The following SLC1A3 variants were observed in gnomAD, a reference collection of about 807,000 sequenced individuals.
The protein encoded by SLC1A3 is excitatory amino acid transporter 1.
SLC1A3 carries 21 observed loss-of-function variants against 48.1 expected under a neutral mutation model. The observed-to-expected ratio is 0.44, with a 90% CI of 0.31 to 0.63. The LOEUF (loss-of-function observed/expected upper bound fraction) is 0.63, where lower values mean the gene tolerates loss of function less well. SLC1A3 is among the 20% of genes least tolerant of loss of function. The probability of loss-of-function intolerance (pLI) is 0.08; values close to 1 mark genes in which losing one functional copy is unlikely to be tolerated. For synonymous variants in SLC1A3, 239 were observed against 251.4 expected, an observed-to-expected ratio of 0.95 and a Z score of 0.47; for missense variants, 546 against 689.0, an observed-to-expected ratio of 0.79 and a Z score of 2.32.
intron 2 of SLC1A3, among the ~76,000 whole-genome samples, chr5:36,612,067 G>A (rs910456240): frequency 4.2e-5 from 6 of 144,452 alleles, no homozygotes; most frequent in African/African-American, 5.1e-5. Flanking sequence ...CTTGGCGCAC[G>A]CGCACACACA....
At chr5:36,650,723 A>G (rs981046938) in intron 3 of SLC1A3, among the ~76,000 whole-genome samples, 1 of 152,210 alleles carries the variant, frequency 6.6e-6, no homozygotes, top group African/African-American at 2.4e-5. Flanking sequence ...TATAGCTGAA[A>G]TGGCCTTGAA....
At chr5:36,664,883 G>A (rs1741668958) in intron 3 of SLC1A3, among the ~76,000 whole-genome samples, 2 of 152,216 alleles carry the variant, frequency 1.3e-5, no homozygotes, top group South Asian at 4.1e-4. Context: ...GTGCCAGAGA[G>A]AAGGCAAAGG....
At chr5:36,605,014 G>A (rs1311051633), upstream of SLC1A3, among the ~76,000 whole-genome samples, 1 of 151,776 alleles carries the variant, frequency 6.6e-6, no homozygotes, top group Non-Finnish European at 1.5e-5. Flanking sequence ...ATGGCTCCAT[G>A]CACCTAAACC....
In SLC1A3 at chr5:36,645,317, G is replaced by T; in HGVS notation, c.319+15730G>T. 1.1e-4 allele frequency among the ~76,000 whole-genome samples: 9 copies of T among 85,506 alleles called. 1 individual carries two copies. The highest frequency in any genetic ancestry group is 1.4e-4 in the Admixed American group (1 of 6,900). 56.1% of individuals were successfully genotyped at this position (85,506 alleles called of 152,430 possible). On this transcript the variant is annotated intron_variant, in intron 3 of 9. Transcript: ENST00000265113. ...TTATCTTTGAGGACTGACTTCCGCTGCCTTTTTTTTTTTTTTTTTTTTTTT... is the reference window on the plus strand; with the variant it reads ...TTATCTTTGAGGACTGACTTCCGCTTCCTTTTTTTTTTTTTTTTTTTTTTT...
intron 3 of SLC1A3, among the ~76,000 whole-genome samples, chr5:36,631,967 A>G (rs1290352815): frequency 6.6e-6 from 1 of 152,234 alleles, no homozygotes; most frequent in Non-Finnish European, 1.5e-5. Context: ...CCATTGCTTT[A>G]GAGTGGAAAG....
At chr5:36,617,725 C>A (rs1739504559) in intron 2 of SLC1A3, among the ~76,000 whole-genome samples, 1 of 152,088 alleles carries the variant, frequency 6.6e-6, no homozygotes, top group South Asian at 2.1e-4. Context: ...TATTCCTTAG[C>A]ACGTAGAAAG....
At chr5:36,630,024 T>C (rs1740076485) in intron 3 of SLC1A3, 1 of 235,786 alleles carries the variant, frequency 4.2e-6, no homozygotes. Context: ...GCGGGAGCCT[T>C]CTTGGAAGCC....
intron 6 of SLC1A3, 37 bp downstream of exon 6, chr5:36,677,221 G>A: frequency 6.4e-7 from 1 of 1,561,748 alleles, no homozygotes; most frequent in Non-Finnish European, 8.8e-7. Context: ...TTATATACGA[G>A]ATGGTTATTG....
intron 3 of SLC1A3, among the ~76,000 whole-genome samples, chr5:36,631,272 C>T (rs961583274): frequency 3.3e-5 from 5 of 152,182 alleles, no homozygotes; most frequent in African/African-American, 7.2e-5. Context: ...AAGAGAAAAG[C>T]CCTTATATGA....
At chr5:36,666,473 G>T (rs1741753353) in intron 3 of SLC1A3, 1 of 152,222 alleles carries the variant, frequency 6.6e-6, no homozygotes, top group South Asian at 2.1e-4. Context: ...TTCTGGACCT[G>T]TTCCAGTGGC....
chr5:36,598,537 G>A (rs1738769735), intron 1 of SLC1A3, among the ~76,000 whole-genome samples: 2 of 152,282 alleles, frequency 1.3e-5, no homozygotes, highest in Admixed American at 6.5e-5. Context: ...TCTATAAAGA[G>A]CAATCACTTT....
chr5:36,665,157 G>C (rs916875293), intron 3 of SLC1A3, among the ~76,000 whole-genome samples: 5 of 151,542 alleles, frequency 3.3e-5, no homozygotes, highest in Admixed American at 6.6e-5. Flanking sequence ...GAATTAAAGA[G>C]TGTTTTAAAC....
chr5:36,645,868 G>C (rs994853840), intron 3 of SLC1A3, among the ~76,000 whole-genome samples: 2 of 152,162 alleles, frequency 1.3e-5, no homozygotes, highest in African/African-American at 4.8e-5. Context: ...TGAATTCCCA[G>C]CAGAGGCTAC....
rs186524094 is a variant in SLC1A3 at position 36,648,059 on chromosome 5, T to C, written c.319+18472T>C. Among the ~76,000 whole-genome samples, 312 of 152,326 alleles carry C rather than the reference T, an allele frequency of 2.0e-3. 4 individuals carry two copies. The highest frequency in any genetic ancestry group is 6.9e-3 in the African/African-American group (286 of 41,580). ...GATTTTTATTTAATTAACGCATTAA[T>C]TATCATGAAGCTTACTATTTGGTGT... is the stretch of plus-strand genomic sequence containing the variant. On this transcript the variant is annotated intron_variant, in intron 3 of 9. Coordinates refer to ENST00000265113, the MANE Select transcript of SLC1A3 (RefSeq NM_004172.5).
chr5:36,650,296 T>C (rs545027594), intron 3 of SLC1A3, among the ~76,000 whole-genome samples: 2 of 152,316 alleles, frequency 1.3e-5, no homozygotes, highest in African/African-American at 2.4e-5. Context: ...TAAAAGAGGA[T>C]TTTTCTCCCC....
chr5:36,612,637 C>G (rs1739256121), intron 2 of SLC1A3: 1 of 173,180 alleles, frequency 5.8e-6, no homozygotes, highest in Non-Finnish European at 1.2e-5. Context: ...ATGGTAATAG[C>G]TAACACTCAC....
rs1425481830 is a variant in SLC1A3, at chr5:36,687,865, T to C, written c.*1596T>C. ...GGAATATCCAGTCAAAGACGCTGAG[T>C]GGGAGCTGTCAGGCAGTAGCAGCTG... On this transcript the variant is annotated 3_prime_UTR_variant, in exon 10 of 10. Transcript: ENST00000265113. The C allele has an allele frequency of 2.0e-5, 3 of 152,546 alleles. No individual in the cohort carries two copies. Among genetic ancestry groups the C allele is most frequent in the Non-Finnish European group, 2.9e-5 (2 of 68,020 alleles). 9.4% of individuals were successfully genotyped at this position (152,546 alleles called of 1,614,324 possible). A position where few individuals can be genotyped will look rare whatever the true frequency, so the allele number is the denominator to read the frequency against.
At position 36,681,583 on chromosome 5, in the gene SLC1A3, T is replaced by C. The variant is rs906575211; in HGVS notation, c.1289+994T>C. ...GTGTTCAGTGAAAAGTTATTTTCCT[T>C]TCCATACCTTCCCCCCATCTCTTAG... On this transcript the variant is annotated intron_variant, in intron 8 of 9. Transcript: ENST00000265113. 6.6e-5 allele frequency among the ~76,000 whole-genome samples: 10 copies of C among 152,332 alleles called. No homozygotes were observed. In the South Asian group the frequency reaches 2.1e-3, roughly 32 times the overall value.
chr5:36,665,706 C>A lies in SLC1A3; in HGVS notation c.320-5323C>A, dbSNP rs557069490. ...TGAGGGAGCTTCTATTTTTCACATTCCACAGAGGAGGAAACTGAGGCTTGG... is the reference window on the plus strand; with the variant it reads ...TGAGGGAGCTTCTATTTTTCACATTACACAGAGGAGGAAACTGAGGCTTGG... On this transcript the variant is annotated intron_variant, in intron 3 of 9. Coordinates refer to ENST00000265113, the MANE Select transcript of SLC1A3 (RefSeq NM_004172.5). Among the ~76,000 whole-genome samples, 66 of 152,304 alleles carry A rather than the reference C, an allele frequency of 4.3e-4. 1 individual carries two copies. Among genetic ancestry groups the A allele is most frequent in the African/African-American group, 1.5e-3 (61 of 41,566 alleles).
Sources: allele counts gnomAD v4.1 joint callset (sites outside exome capture counted in the v4.1 genomes callset), GRCh38; gene constraint gnomAD v4.1.1; transcripts MANE v1.5; gene names NCBI Gene and HGNC (gene_info 2026-07-23, HGNC 2026-07-21).